FOXQ1: variants seen among roughly 807,000 people sequenced by gnomAD.
FOXQ1 encodes the protein forkhead box Q1, also known as forkhead box protein Q1.
In FOXQ1, 1 loss-of-function variant was observed where a neutral mutation model predicts 0.6. That is an observed-to-expected ratio of 1.73 (90% CI 0.61 to 8.20). The LOEUF (loss-of-function observed/expected upper bound fraction) is 8.20. Among genes scored for constraint, FOXQ1 ranks in the 30% most tolerant of loss-of-function variants. The pLI, the probability that FOXQ1 is intolerant of heterozygous loss-of-function variation, is 0.13. For missense variants in FOXQ1, 734 were observed against 595.6 expected, an observed-to-expected ratio of 1.23 and a Z score of -2.42; for synonymous variants, 377 against 294.4, an observed-to-expected ratio of 1.28 and a Z score of -2.87.
Position 1,312,169 on chromosome 6 carries a change from G to C in FOXQ1, c.-536G>C, listed in dbSNP as rs1011602280. ...TGGGAGCGGGAAGGCGGCTGCGGGC[G>C]CAGCGGCCTCGGGGACTCGCCTCCG... On this transcript the variant is annotated 5_prime_UTR_variant, in exon 1 of 1. Transcript: ENST00000296839. 2.6e-5 allele frequency among the ~76,000 whole-genome samples: 4 copies of C among 152,216 alleles called. No homozygotes were observed. The highest frequency in any genetic ancestry group is 5.9e-5 in the Non-Finnish European group (4 of 68,032).
In FOXQ1 at chr6:1,313,024, AG is replaced by A; in HGVS notation, c.323del (p.Gly108ValfsTer33). 6.8e-7 allele frequency: 1 copy of A among 1,465,298 alleles called. No individual in the cohort carries two copies. The highest frequency in any genetic ancestry group is 9.0e-7 in the Non-Finnish European group (1 of 1,108,300). 90.8% of individuals were successfully genotyped at this position (1,465,298 alleles called of 1,614,324 possible). A position where few individuals can be genotyped will look rare whatever the true frequency, so the allele number is the denominator to read the frequency against. On this transcript the variant is annotated frameshift_variant, in exon 1 of 1. Coordinates refer to ENST00000296839, the MANE Select transcript of FOXQ1 (RefSeq NM_033260.4). LOFTEE classifies it low-confidence loss of function (END_TRUNC). This position sits in a 1 kb window ranked among gnomAD's most constrained non-coding sequence, Gnocchi z 5.2. ...GGCGCGGGCGGCGCGGGGAGCGGCG[AG>A]GGTGCACGCAGCAAGCCATATACGC... is the stretch of plus-strand genomic sequence containing the variant. ...GPGAGGAGSG[E>X]GARSKPYTRR...
At position 1,313,077 on chromosome 6, in the gene FOXQ1, A is replaced by G; in HGVS notation, c.373A>G (p.Ile125Val). 1 of 1,605,382 alleles carries G rather than the reference A, an allele frequency of 6.2e-7. No individual in the cohort carries two copies. The highest frequency in any genetic ancestry group is 8.5e-7 in the Non-Finnish European group (1 of 1,176,180). Residue 125 changes from isoleucine (I) to valine (V), a missense_variant, in exon 1 of 1, where the codon ATC becomes GTC. Physicochemically the swap from Ile to Val is conservative, Grantham distance 29 (BLOSUM62 3). Transcript: ENST00000296839. This position sits in a 1 kb window ranked among gnomAD's most constrained non-coding sequence, Gnocchi z 5.2. ...GCGGCCCAAGCCCCCCTACTCGTAC[A>G]TCGCGCTCATCGCCATGGCCATCCG... ...TRRPKPPYSY[I>V]ALIAMAIRDS...
chr6:1,312,942 G>C lies in FOXQ1; in HGVS notation c.238G>C (p.Ala80Pro). The change falls in exon 1 of 1, where the codon GCA becomes CCA. Residue 80 changes from alanine (A) to proline (P), a missense_variant. Coordinates refer to ENST00000296839, the MANE Select transcript of FOXQ1 (RefSeq NM_033260.4). ...GCCGGGCGCGGAGGAGGCGATCCCG[G>C]CAGCAGCTGCTGCAGCGGTGGTGGC... is the stretch of plus-strand genomic sequence containing the variant. ...GGPGAEEAIP[A>P]AAAAAVVAEG... 1 of 1,279,092 alleles carries C rather than the reference G, an allele frequency of 7.8e-7. No individual in the cohort carries two copies. The highest frequency in any genetic ancestry group is 9.8e-7 in the Non-Finnish European group (1 of 1,016,400). 79.2% of individuals were successfully genotyped at this position (1,279,092 alleles called of 1,614,324 possible).
In FOXQ1 at chr6:1,313,646, G is replaced by C. The variant is rs1757590119; in HGVS notation, c.942G>C (p.Ala314=). ...CCGCGTTCCCCGCGCTCCTCCCCGC[G>C]GCGCCCTGCAGGGCCCTGCTGCCGC... is the stretch of plus-strand genomic sequence containing the variant. ...PLPAFPALLP[A]APCRALLPLC... is the part of the protein sequence containing the mutation. The change falls in exon 1 of 1, where the codon GCG becomes GCC. Residue 314 remains alanine, a synonymous_variant. Transcript: ENST00000296839. The surrounding 1 kb of genome is among the most constrained non-coding windows in gnomAD (Gnocchi z 5.2). The C allele has an allele frequency of 2.8e-6, 3 of 1,075,812 alleles. No homozygotes were observed. Among genetic ancestry groups the C allele is most frequent in the Non-Finnish European group, 3.4e-6 (3 of 890,450 alleles). 66.6% of individuals were successfully genotyped at this position (1,075,812 alleles called of 1,614,324 possible).
rs1220693155 is a variant in FOXQ1, at chr6:1,313,846, C to T, written c.1142C>T (p.Ala381Val). The change falls in exon 1 of 1, where the codon GCC becomes GTC. Residue 381 changes from alanine to valine, a missense_variant. By Grantham distance (64) the Ala-to-Val change is moderately conservative. Coordinates refer to ENST00000296839, the MANE Select transcript of FOXQ1 (RefSeq NM_033260.4). The surrounding 1 kb of genome is among the most constrained non-coding windows in gnomAD (Gnocchi z 5.2). ...HLYCPLRLPA[A>V]LQAASVRRPG... The stretch of plus-strand genomic sequence containing the variant: ...TACTGCCCCCTGCGGCTGCCCGCAG[C>T]CCTGCAGGCGGCCTCAGTCCGCCGC... 18 of 1,305,698 alleles carry T rather than the reference C, an allele frequency of 1.4e-5. No individual in the cohort carries two copies. The South Asian group carries it at 1.9e-4, about 14-fold the overall frequency. The allele number at this position is 1,305,698 out of a possible 1,614,324, so 80.9% of individuals were successfully genotyped here. A position where few individuals can be genotyped will look rare whatever the true frequency, so the allele number is the denominator to read the frequency against.
In FOXQ1 at chr6:1,312,797, G is replaced by A; in HGVS notation, c.93G>A (p.Pro31=). The A allele has an allele frequency of 7.7e-7, 1 of 1,303,462 alleles. No homozygotes were observed. The highest frequency in any genetic ancestry group is 9.7e-7 in the Non-Finnish European group (1 of 1,027,574). The allele number at this position is 1,303,462 out of a possible 1,614,324, so 80.7% of individuals were successfully genotyped here. Residue 31 remains proline (P), a synonymous_variant, in exon 1 of 1, where the codon CCG becomes CCA. Coordinates refer to ENST00000296839, the MANE Select transcript of FOXQ1 (RefSeq NM_033260.4). ...CGGGCGGCAGCGACGCGCCGTCCCC[G>A]CTGTCGGCGGCGGGAGACGACTCCC... The part of the protein sequence containing the change: ...EGAGGSDAPS[P]LSAAGDDSLG...
At position 1,313,892 on chromosome 6, in the gene FOXQ1, C is replaced by T; in HGVS notation, c.1188C>T (p.Tyr396=). 1.5e-6 allele frequency: 2 copies of T among 1,312,704 alleles called. No homozygotes were observed. The highest frequency in any genetic ancestry group is 9.6e-7 in the Non-Finnish European group (1 of 1,036,360). 81.3% of individuals were successfully genotyped at this position (1,312,704 alleles called of 1,614,324 possible). ...SVRRPGPHLP[Y]PVETLLA is the part of the protein sequence containing the mutation. ...GCCGCCCTGGCCCGCACCTGCCGTACCCGGTGGAGACGCTCCTAGCCTGAG... is the reference window on the plus strand; with the variant it reads ...GCCGCCCTGGCCCGCACCTGCCGTATCCGGTGGAGACGCTCCTAGCCTGAG... Residue 396 remains tyrosine, a synonymous_variant, in exon 1 of 1, where the codon TAC becomes TAT. Transcript: ENST00000296839. The surrounding 1 kb of genome is among the most constrained non-coding windows in gnomAD (Gnocchi z 5.2).
In FOXQ1 at chr6:1,312,681, C is replaced by T. The variant is rs776265471; in HGVS notation, c.-24C>T. The stretch of plus-strand genomic sequence containing the variant: ...TGCGCGAAGGAAGAGGGTACGACGC[C>T]GGGGAGGGACTGGGTGCGCGGGCAT... On this transcript the variant is annotated 5_prime_UTR_variant, in exon 1 of 1. Transcript: ENST00000296839. 413 of 1,307,816 alleles carry T rather than the reference C, an allele frequency of 3.2e-4. No individual in the cohort carries two copies. Among genetic ancestry groups the T allele is most frequent in the Non-Finnish European group, 3.9e-4 (400 of 1,031,638 alleles). 81.0% of individuals were successfully genotyped at this position (1,307,816 alleles called of 1,614,324 possible). A position where few individuals can be genotyped will look rare whatever the true frequency, so the allele number is the denominator to read the frequency against.
chr6:1,313,954 GT>G lies in FOXQ1; in HGVS notation c.*39del. The G allele has an allele frequency of 8.2e-7, 1 of 1,222,094 alleles. No individual in the cohort carries two copies. The highest frequency in any genetic ancestry group is 1.0e-6 in the Non-Finnish European group (1 of 980,408). 75.7% of individuals were successfully genotyped at this position (1,222,094 alleles called of 1,614,324 possible). ...GGCCCGGGAACGCCGAGTGCGCGCC[GT>G]CGGGGAGGCGGGAACGCGGGCCCGC... On this transcript the variant is annotated 3_prime_UTR_variant, in exon 1 of 1. Coordinates refer to ENST00000296839, the MANE Select transcript of FOXQ1 (RefSeq NM_033260.4). The surrounding 1 kb of genome is among the most constrained non-coding windows in gnomAD (Gnocchi z 5.2).
rs1326073938 is a variant in FOXQ1, at chr6:1,313,433, C to T, written c.729C>T (p.Pro243=). ...PGLPAAPPPA[P]AAPASPRMRS... is the part of the protein sequence containing the mutation. ...TCCCCGCCGCCCCGCCGCCCGCGCC[C>T]GCCGCCCCGGCCTCGCCCCGCATGC... Residue 243 remains proline (P), a synonymous_variant, in exon 1 of 1, where the codon CCC becomes CCT. Transcript: ENST00000296839. The surrounding 1 kb of genome is among the most constrained non-coding windows in gnomAD (Gnocchi z 5.2). 78 of 1,001,788 alleles carry T rather than the reference C, an allele frequency of 7.8e-5. No individual in the cohort carries two copies. The highest frequency in any genetic ancestry group is 9.2e-5 in the Non-Finnish European group (78 of 843,316). 62.1% of individuals were successfully genotyped at this position (1,001,788 alleles called of 1,614,324 possible).
rs1680342894 is a variant in FOXQ1, at chr6:1,313,724, G to A, written c.1020G>A (p.Glu340=). 1 of 1,135,442 alleles carries A rather than the reference G, an allele frequency of 8.8e-7. No homozygotes were observed. The highest frequency in any genetic ancestry group is 1.1e-6 in the Non-Finnish European group (1 of 927,732). 70.3% of individuals were successfully genotyped at this position (1,135,442 alleles called of 1,614,324 possible). The change falls in exon 1 of 1, where the codon GAG becomes GAA. Residue 340 remains glutamate (E), a synonymous_variant. Coordinates refer to ENST00000296839, the MANE Select transcript of FOXQ1 (RefSeq NM_033260.4). The surrounding 1 kb of genome is among the most constrained non-coding windows in gnomAD (Gnocchi z 5.2). The part of the protein sequence containing the change: ...EPARLGAREA[E]VPPTAPPLLL... ...CGCGGCTGGGCGCGCGCGAGGCCGA[G>A]GTGCCACCGACCGCGCCGCCCCTCC...
chr6:1,313,796 C>CCCGGCGG lies in FOXQ1; in HGVS notation c.1101_1107dup (p.Ala370ArgfsTer81). On this transcript the variant is annotated frameshift_variant, in exon 1 of 1. Coordinates refer to ENST00000296839, the MANE Select transcript of FOXQ1 (RefSeq NM_033260.4). LOFTEE classifies it low-confidence loss of function (END_TRUNC). This position sits in a 1 kb window ranked among gnomAD's most constrained non-coding sequence, Gnocchi z 5.2. The stretch of plus-strand genomic sequence containing the variant: ...CGGCCCCCGCCAAGCCACTCCGAGG[C>CCCGGCGG]CCGGCGGCCGGCGGCGCGCACCTGT... 1 of 1,272,118 alleles carries CCCGGCGG rather than the reference C, an allele frequency of 7.9e-7. No homozygotes were observed. The highest frequency in any genetic ancestry group is 9.9e-7 in the Non-Finnish European group (1 of 1,011,462). The allele number at this position is 1,272,118 out of a possible 1,614,324, so 78.8% of individuals were successfully genotyped here.
chr6:1,312,520 AG>A lies in FOXQ1; in HGVS notation c.-184del. 1.0e-6 allele frequency: 1 copy of A among 974,686 alleles called. No individual in the cohort carries two copies. The highest frequency in any genetic ancestry group is 1.3e-6 in the Non-Finnish European group (1 of 751,830). The allele number at this position is 974,686 out of a possible 1,614,324, so 60.4% of individuals were successfully genotyped here. On this transcript the variant is annotated 5_prime_UTR_variant, in exon 1 of 1. Transcript: ENST00000296839. ...TCCACCCAACACTTGCAGCCCCTCC[AG>A]AGAAAAAGCCCAGCGGAAGAGGACT... is the stretch of plus-strand genomic sequence containing the variant.
Position 1,313,269 on chromosome 6 carries a change from G to C in FOXQ1, c.565G>C (p.Gly189Arg). The C allele has an allele frequency of 6.2e-7, 1 of 1,610,338 alleles. No homozygotes were observed. The highest frequency in any genetic ancestry group is 8.5e-7 in the Non-Finnish European group (1 of 1,178,876). ...GCTGCGCGACCCCTCGCGGCCCTGG[G>C]GCAAGGACAACTACTGGATGCTCAA... is the stretch of plus-strand genomic sequence containing the variant. The part of the protein sequence containing the change: ...KVLRDPSRPW[G>R]KDNYWMLNPN... Residue 189 changes from glycine to arginine, a missense_variant, in exon 1 of 1, where the codon GGC (glycine) becomes CGC (arginine). By Grantham distance (125) the Gly-to-Arg change is moderately radical. Coordinates refer to ENST00000296839, the MANE Select transcript of FOXQ1 (RefSeq NM_033260.4). The surrounding 1 kb of genome is among the most constrained non-coding windows in gnomAD (Gnocchi z 5.2).
In FOXQ1 at chr6:1,312,954, G is replaced by A; in HGVS notation, c.250G>A (p.Ala84Thr). The A allele has an allele frequency of 7.8e-7, 1 of 1,282,742 alleles. No individual in the cohort carries two copies. 79.5% of individuals were successfully genotyped at this position (1,282,742 alleles called of 1,614,324 possible). ...AEEAIPAAAA[A>T]AVVAEGAEAG... Reference sequence around the variant, plus strand: ...GGAGGCGATCCCGGCAGCAGCTGCTGCAGCGGTGGTGGCGGAGGGCGCGGA... The same window carrying A: ...GGAGGCGATCCCGGCAGCAGCTGCTACAGCGGTGGTGGCGGAGGGCGCGGA... Residue 84 changes from alanine (A) to threonine (T), a missense_variant, in exon 1 of 1, where the codon GCA becomes ACA. Transcript: ENST00000296839.
rs1757556035 is a variant in FOXQ1 at position 1,312,129 on chromosome 6, T to A, written c.-576T>A. Among the ~76,000 whole-genome samples the A allele has an allele frequency of 6.6e-6, 1 of 152,126 alleles. No homozygotes were observed. The highest frequency in any genetic ancestry group is 2.4e-5 in the African/African-American group (1 of 41,440). On this transcript the variant is annotated 5_prime_UTR_variant, in exon 1 of 1. An upstream start codon of the reference 5' UTR is lost. Coordinates refer to ENST00000296839, the MANE Select transcript of FOXQ1 (RefSeq NM_033260.4). ...CAGCCGCGGCAGGCCAGCGGGGAGA[T>A]GCTGCCCCGGAGGCTGGGAGCGGGA...
At position 1,312,490 on chromosome 6, in the gene FOXQ1, C is replaced by T. The variant is rs1757562161; in HGVS notation, c.-215C>T. ...CCACCCAACTCCTCCCTCTCCGCCC[C>T]ATAGTCCACCCAACACTTGCAGCCC... On this transcript the variant is annotated 5_prime_UTR_variant, in exon 1 of 1. Transcript: ENST00000296839. The T allele has an allele frequency of 1.5e-6, 1 of 679,230 alleles. No individual in the cohort carries two copies. Among genetic ancestry groups the T allele is most frequent in the East Asian group, 3.5e-5 (1 of 28,640 alleles). The allele number at this position is 679,230 out of a possible 1,614,324, so 42.1% of individuals were successfully genotyped here. A position where few individuals can be genotyped will look rare whatever the true frequency, so the allele number is the denominator to read the frequency against.
At position 1,314,103 on chromosome 6, in the gene FOXQ1, GT is replaced by G; in HGVS notation, c.*191del. 2 of 879,920 alleles carry G rather than the reference GT, an allele frequency of 2.3e-6. No individual in the cohort carries two copies. Among genetic ancestry groups the G allele is most frequent in the Non-Finnish European group, 1.5e-6 (1 of 663,822 alleles). 54.5% of individuals were successfully genotyped at this position (879,920 alleles called of 1,614,324 possible). On this transcript the variant is annotated 3_prime_UTR_variant, in exon 1 of 1. Coordinates refer to ENST00000296839, the MANE Select transcript of FOXQ1 (RefSeq NM_033260.4). ...CTTAGTCCAGGATATTTTCCTTTGTGTTTTATAACTTTACAGAGGACCAAAG... is the reference window on the plus strand; with the variant it reads ...CTTAGTCCAGGATATTTTCCTTTGTGTTTATAACTTTACAGAGGACCAAAG...
At position 1,312,744 on chromosome 6, in the gene FOXQ1, G is replaced by C; in HGVS notation, c.40G>C (p.Asp14His). Residue 14 changes from aspartate (D) to histidine (H), a missense_variant, in exon 1 of 1, where the codon GAC (aspartate) becomes CAC (histidine). Coordinates refer to ENST00000296839, the MANE Select transcript of FOXQ1 (RefSeq NM_033260.4). Reference protein sequence around the residue: ...EVFVPRAAHGDKQGSDLEGAG... With the variant: ...EVFVPRAAHGHKQGSDLEGAG... ...GTTCGTCCCTCGCGCGGCCCACGGG[G>C]ACAAGCAGGGCAGTGACCTGGAGGG... 1 of 1,354,506 alleles carries C rather than the reference G, an allele frequency of 7.4e-7. No homozygotes were observed. The highest frequency in any genetic ancestry group is 1.9e-5 in the South Asian group (1 of 53,852). The allele number at this position is 1,354,506 out of a possible 1,614,324, so 83.9% of individuals were successfully genotyped here. A position where few individuals can be genotyped will look rare whatever the true frequency, so the allele number is the denominator to read the frequency against.
Sources: gnomAD v4.1 joint callset for allele counts (sites outside exome capture counted in the v4.1 genomes callset) on GRCh38, gnomAD v4.1.1 for gene constraint, Gnocchi (gnomAD v3.1) non-coding constraint, MANE v1.5 for transcripts, NCBI Gene and HGNC (gene_info 2026-07-23, HGNC 2026-07-21) for gene names.